Variants in PDE1C observed in about 807,000 individuals in gnomAD.
PDE1C encodes the protein dual specificity calcium/calmodulin-dependent 3',5'-cyclic nucleotide phosphodiesterase 1C.
A neutral mutation model predicts 93.1 loss-of-function variants in PDE1C; 62 were observed. The ratio of observed to expected loss-of-function variants is 0.67; its 90% CI spans 0.54 to 0.82. PDE1C has a LOEUF of 0.82. Among genes scored for constraint, PDE1C ranks in the 40% least tolerant of loss-of-function variants. PDE1C has a pLI of 0.00. For synonymous variants in PDE1C, 325 were observed against 310.1 expected (o/e 1.05, Z -0.50); for missense variants, 742 against 884.6 (o/e 0.84, Z 2.04).
chr7:32,313,847 A>T (rs1176908243), intron 1 of PDE1C, among the ~76,000 whole-genome samples: 1 of 152,032 alleles, frequency 6.6e-6, no homozygotes, highest in Non-Finnish European at 1.5e-5. Flanking sequence ...TGGCACATGT[A>T]TATGTATGTA....
chr7:32,308,361 G>C (rs370644948), intron 1 of PDE1C, among the ~76,000 whole-genome samples: 3 of 152,254 alleles, frequency 2.0e-5, no homozygotes, highest in East Asian at 3.8e-4. Context: ...AAATGTCCCT[G>C]TCTGACAGCT....
At chr7:31,855,868 T>C (rs1554372409) in intron 7 of PDE1C, among the ~76,000 whole-genome samples, 1 of 148,326 alleles carries the variant, frequency 6.7e-6, no homozygotes, top group Non-Finnish European at 1.5e-5. Context: ...GGCCAAGGGA[T>C]AGCTTTGGAG....
At chr7:32,346,258 T>A (rs984097016) in intron 1 of PDE1C, among the ~76,000 whole-genome samples, 4 of 152,210 alleles carry the variant, frequency 2.6e-5, no homozygotes, top group Non-Finnish European at 2.9e-5. Flanking sequence ...TGAATTTGTG[T>A]TTTGTAAGTG....
chr7:32,310,325 A>G (rs529486185), intron 1 of PDE1C, among the ~76,000 whole-genome samples: 1 of 152,270 alleles, frequency 6.6e-6, no homozygotes, highest in East Asian at 1.9e-4. Flanking sequence ...CCCCACTGTC[A>G]ACATTAGACC....
At chr7:31,913,467 A>G (rs1439069830) in intron 2 of PDE1C, among the ~76,000 whole-genome samples, 1 of 152,170 alleles carries the variant, frequency 6.6e-6, no homozygotes, top group African/African-American at 2.4e-5. Flanking sequence ...AAGGGAGGTT[A>G]TTGGTAGCAA....
the PDE1C span, among the ~76,000 whole-genome samples, chr7:31,724,034 T>TA: frequency 6.6e-6 from 1 of 152,344 alleles, no homozygotes; most frequent in South Asian, 2.1e-4. Context: ...GCTTGCGATC[T>TA]ATTTATTTTT....
intron 1 of PDE1C, among the ~76,000 whole-genome samples, chr7:32,340,386 G>T (rs1181053063): frequency 1.3e-5 from 2 of 152,188 alleles, no homozygotes; most frequent in Non-Finnish European, 1.5e-5. Context: ...GAAGCAAGGG[G>T]AACAGTGTGT....
chr7:31,685,674 A>T, the PDE1C span, among the ~76,000 whole-genome samples: 1 of 152,228 alleles, frequency 6.6e-6, no homozygotes, highest in Non-Finnish European at 1.5e-5. Context: ...CCTATGTAAC[A>T]AACCTGCACG....
At chr7:31,709,089 C>G in the PDE1C span, among the ~76,000 whole-genome samples, 1 of 152,212 alleles carries the variant, frequency 6.6e-6, no homozygotes, top group South Asian at 2.1e-4. Context: ...ACTCAGAAAA[C>G]ACAGTCTCAC....
chr7:32,058,179 CA>C (rs1296060006), intron 1 of PDE1C, among the ~76,000 whole-genome samples: 1 of 152,148 alleles, frequency 6.6e-6, no homozygotes, highest in Non-Finnish European at 1.5e-5. Flanking sequence ...CAGTGTTCTC[CA>C]GGGTTTCTGG....
chr7:32,188,441 A>G (rs891451442), intron 2 of PDE1C, among the ~76,000 whole-genome samples: 3 of 151,812 alleles, frequency 2.0e-5, no homozygotes, highest in African/African-American at 7.3e-5. Context: ...ATTTTCATCT[A>G]TTTTCCAAGA....
chr7:31,750,718 TTTTTG>T (rs746558031), downstream of PDE1C, among the ~76,000 whole-genome samples: 4 of 152,338 alleles, frequency 2.6e-5, no homozygotes, highest in South Asian at 4.1e-4. Context: ...CCAATTGTTT[TTTTTG>T]TTTTGTTTTG....
At chr7:32,320,312 G>T (rs569292160) in intron 1 of PDE1C, among the ~76,000 whole-genome samples, 2 of 152,060 alleles carry the variant, frequency 1.3e-5, no homozygotes, top group Admixed American at 1.3e-4. Flanking sequence ...TTGATGGAAG[G>T]GGGGAAAACA....
upstream of PDE1C, among the ~76,000 whole-genome samples, chr7:32,075,710 CA>C (rs1311301583): frequency 6.6e-6 from 1 of 152,058 alleles, no homozygotes; most frequent in Non-Finnish European, 1.5e-5. Context: ...AGTAGTGGCC[CA>C]GAGAAGTGAG....
At chr7:32,080,298 T>A (rs1438970690) in intron 3 of PDE1C, among the ~76,000 whole-genome samples, 1 of 152,130 alleles carries the variant, frequency 6.6e-6, no homozygotes, top group Non-Finnish European at 1.5e-5. Flanking sequence ...CCCCCTGACC[T>A]TCCCTCCAAC....
intron 2 of PDE1C, among the ~76,000 whole-genome samples, chr7:32,050,838 C>T (rs1481639318): frequency 6.6e-6 from 1 of 152,174 alleles, no homozygotes; most frequent in African/African-American, 2.4e-5. Context: ...CGCATATGCA[C>T]TGAAAAATGG....
chr7:32,392,536 C>T (rs1045331770), intron 1 of PDE1C, among the ~76,000 whole-genome samples: 2 of 151,882 alleles, frequency 1.3e-5, no homozygotes, highest in African/African-American at 4.8e-5. Context: ...CACAAAAATC[C>T]CCAACAAAAT....
At chr7:32,177,078 A>G (rs906940047) in intron 2 of PDE1C, among the ~76,000 whole-genome samples, 3 of 152,232 alleles carry the variant, frequency 2.0e-5, no homozygotes, top group Non-Finnish European at 4.4e-5. Context: ...TTAAGTAAAA[A>G]ACATGTCACA....
chr7:31,678,967 G>T, the PDE1C span, among the ~76,000 whole-genome samples: 1 of 152,158 alleles, frequency 6.6e-6, no homozygotes, highest in Admixed American at 6.5e-5. Flanking sequence ...ATTGTGATGC[G>T]AATGTAAGAA....
Sources: gnomAD v4.1 joint callset for allele counts (sites outside exome capture counted in the v4.1 genomes callset) on GRCh38, gnomAD v4.1.1 for gene constraint, MANE v1.5 for transcripts, NCBI Gene and HGNC (gene_info 2026-07-23, HGNC 2026-07-21) for gene names.